The following SPIRE2 variants were observed in gnomAD, a reference collection of about 807,000 sequenced individuals.
The protein encoded by SPIRE2 is protein spire homolog 2.
In SPIRE2, 76 loss-of-function variants were observed where a neutral mutation model predicts 80.7. That is an observed-to-expected ratio of 0.94 (90% CI 0.78 to 1.14). SPIRE2 has a LOEUF of 1.14. Among genes scored for constraint, SPIRE2 ranks in the 50% most tolerant of loss-of-function variants. SPIRE2 has a pLI of 0.00. For synonymous variants in SPIRE2, 535 were observed against 432.6 expected (o/e 1.24, Z -2.94); for missense variants, 1,196 against 1,015.3 (o/e 1.18, Z -2.42).
chr16:89,855,433 A>G (rs1008791552), intron 5 of SPIRE2, among the ~76,000 whole-genome samples, 167 bp from the exon 6 acceptor site: 1 of 152,006 alleles, frequency 6.6e-6, no homozygotes, highest in East Asian at 1.9e-4. Context: ...TGGCCTGTGG[A>G]TCTGCCGTGC....
rs767964013 is a variant in SPIRE2, at chr16:89,845,319, C to T, written c.245-3C>T. 4.3e-6 allele frequency: 7 copies of T among 1,614,034 alleles called. No individual in the cohort carries two copies. Among genetic ancestry groups the T allele is most frequent in the African/African-American group, 1.3e-5 (1 of 74,926 alleles). Reference sequence around the variant, plus strand: ...AATAACTTAACTCCCTCTTCTCTTACAGAACCTGCAACCATGGTCGTGCCA... The same window carrying T: ...AATAACTTAACTCCCTCTTCTCTTATAGAACCTGCAACCATGGTCGTGCCA... On this transcript the variant is annotated splice_polypyrimidine_tract_variant and splice_region_variant and intron_variant, in intron 1 of 14. Transcript: ENST00000378247.
At chr16:89,852,064 C>T (rs1415470286) in intron 3 of SPIRE2, among the ~76,000 whole-genome samples, 1 of 140,556 alleles carries the variant, frequency 7.1e-6, no homozygotes, top group Non-Finnish European at 1.5e-5. Flanking sequence ...TCCCCCAACC[C>T]GCCAGATCCC....
chr16:89,845,188 G>T (rs2041546203), intron 1 of SPIRE2, 134 bp from the exon 2 acceptor site: 2 of 813,562 alleles, frequency 2.5e-6, no homozygotes, highest in East Asian at 5.0e-5. Flanking sequence ...GGCTGGGCCT[G>T]CTGTGAGCTT....
At chr16:89,847,719 G>A (rs918781224) in intron 2 of SPIRE2, among the ~76,000 whole-genome samples, 4 of 152,236 alleles carry the variant, frequency 2.6e-5, no homozygotes, top group Non-Finnish European at 5.9e-5. Flanking sequence ...GCCTGCACCT[G>A]CTGTGGGCGG....
At chr16:89,859,858 G>C in intron 9 of SPIRE2, among the ~76,000 whole-genome samples, 1 of 152,110 alleles carries the variant, frequency 6.6e-6, no homozygotes, top group Non-Finnish European at 1.5e-5. Context: ...TCGCGACTCA[G>C]GGTTCTTGTC....
At chr16:89,838,435 C>T (rs1407791421) in intron 1 of SPIRE2, among the ~76,000 whole-genome samples, 4 of 151,972 alleles carry the variant, frequency 2.6e-5, no homozygotes, top group South Asian at 2.1e-4. Context: ...CGGCCTGCCT[C>T]GGCCTCCCAA....
Position 89,863,591 on chromosome 16 carries a change from G to A in SPIRE2, c.1691G>A (p.Ser564Asn), listed in dbSNP as rs1348526998. 1 of 1,614,024 alleles carries A rather than the reference G, an allele frequency of 6.2e-7. No homozygotes were observed. The highest frequency in any genetic ancestry group is 1.3e-5 in the African/African-American group (1 of 74,946). Residue 564 changes from serine (S) to asparagine (N), a missense_variant, in exon 11 of 15, where the codon AGC (serine) becomes AAC (asparagine). Physicochemically the swap from Ser to Asn is conservative, Grantham distance 46. Coordinates refer to ENST00000378247, the MANE Select transcript of SPIRE2 (RefSeq NM_032451.2). This position sits in a 1 kb window ranked among gnomAD's most constrained non-coding sequence, Gnocchi z 4.3. ...TTTTTGCAGAACAAGGAGCTCTTCA[G>A]CAGTCTGAAGAAGGGGAAGGTGAGG... Reference protein sequence around the residue: ...EKFLQNKELFSSLKKGKICCC... With the variant: ...EKFLQNKELFNSLKKGKICCC...
chr16:89,852,065 G>T lies in SPIRE2; in HGVS notation c.645+1405G>T, dbSNP rs71374198. Among the ~76,000 whole-genome samples the T allele has an allele frequency of 3.2e-4, 9 of 28,492 alleles. 1 individual carries two copies. The highest frequency in any genetic ancestry group is 1.2e-3 in the African/African-American group (9 of 7,202). The allele number at this position is 28,492 out of a possible 152,430, so 18.7% of individuals were successfully genotyped here. Reference sequence around the variant, plus strand: ...CCCATCTTCCATCCTCCCCCAACCCGCCAGATCCCCTGGCCCATCTTCCAT... The same window carrying T: ...CCCATCTTCCATCCTCCCCCAACCCTCCAGATCCCCTGGCCCATCTTCCAT... On this transcript the variant is annotated intron_variant, in intron 3 of 14. Coordinates refer to ENST00000378247, the MANE Select transcript of SPIRE2 (RefSeq NM_032451.2).
intron 1 of SPIRE2, chr16:89,836,301 A>G (rs921552625): frequency 1.1e-5 from 5 of 455,444 alleles, no homozygotes; most frequent in Non-Finnish European, 2.2e-5. Flanking sequence ...CTCTCGGTAC[A>G]TGCTCACAGG....
chr16:89,837,261 G>T (rs1308830885), intron 1 of SPIRE2, among the ~76,000 whole-genome samples: 1 of 152,164 alleles, frequency 6.6e-6, no homozygotes, highest in Non-Finnish European at 1.5e-5. Flanking sequence ...TGCTGCAGGA[G>T]TGAGGCACCC....
intron 1 of SPIRE2, among the ~76,000 whole-genome samples, chr16:89,832,990 TTC>T (rs1491411398): frequency 9.8e-5 from 2 of 20,480 alleles, no homozygotes. Context: ...CCCAGCTGAT[TTC>T]TTTTTTTTTT....
At chr16:89,868,044 AAAAT>A in intron 12 of SPIRE2, 141 bp from the exon 13 acceptor site, 3 of 873,418 alleles carry the variant, frequency 3.4e-6, no homozygotes, top group East Asian at 2.4e-5. Flanking sequence ...ATTTTGGAGT[AAAAT>A]AAAGTACTGA....
chr16:89,860,565 C>T lies in SPIRE2; in HGVS notation c.1463-118C>T, dbSNP rs1029402481. 1.4e-5 allele frequency: 10 copies of T among 699,066 alleles called. 1 individual carries two copies. The Admixed American group carries it at 1.7e-4, about 12-fold the overall frequency. The allele number at this position is 699,066 out of a possible 1,614,324, so 43.3% of individuals were successfully genotyped here. A position where few individuals can be genotyped will look rare whatever the true frequency, so the allele number is the denominator to read the frequency against. On this transcript the variant is annotated intron_variant, in intron 9 of 14. Coordinates refer to ENST00000378247, the MANE Select transcript of SPIRE2 (RefSeq NM_032451.2). ...TAGCTACTGCCCGGCCGCTTCTCCC[C>T]TTGACCTTTTGCTTGGTTCCCCTGG...
chr16:89,829,068 G>C (rs779661421), intron 1 of SPIRE2, among the ~76,000 whole-genome samples: 4 of 152,208 alleles, frequency 2.6e-5, no homozygotes, highest in South Asian at 2.1e-4. Flanking sequence ...CGCGGAGCGG[G>C]CTGCTCCCCA....
intron 7 of SPIRE2, 95 bp from the exon 8 acceptor site, chr16:89,858,243 G>A (rs2041710215): frequency 7.7e-7 from 1 of 1,304,640 alleles, no homozygotes; most frequent in South Asian, 1.6e-5. Context: ...TGCAAAGTCA[G>A]GGAATTAAGC....
At chr16:89,843,638 G>T (rs1034089147) in intron 1 of SPIRE2, among the ~76,000 whole-genome samples, 3 of 132,190 alleles carry the variant, frequency 2.3e-5, no homozygotes, top group Non-Finnish European at 3.1e-5. Flanking sequence ...GATGTGCCTC[G>T]ATGGATGGAG....
At chr16:89,845,118 G>T (rs1423700989) in intron 1 of SPIRE2, among the ~76,000 whole-genome samples, 1 of 152,186 alleles carries the variant, frequency 6.6e-6, no homozygotes, top group African/African-American at 2.4e-5. Context: ...CTGTACCTGG[G>T]TGTCCTGCTT....
chr16:89,865,823 C>G (rs1379603748), intron 12 of SPIRE2, among the ~76,000 whole-genome samples: 1 of 151,858 alleles, frequency 6.6e-6, no homozygotes, highest in Non-Finnish European at 1.5e-5. Context: ...AAAAAATTAG[C>G]TGGGCGTGGT....
chr16:89,832,258 C>G (rs942102217), intron 1 of SPIRE2, among the ~76,000 whole-genome samples: 1 of 152,232 alleles, frequency 6.6e-6, no homozygotes, highest in South Asian at 2.1e-4. Context: ...GCCTCGAGCC[C>G]GCAGCCAGCC....
Sources: allele counts gnomAD v4.1 joint callset (sites outside exome capture counted in the v4.1 genomes callset), GRCh38; gene constraint gnomAD v4.1.1; non-coding constraint Gnocchi (gnomAD v3.1); transcripts MANE v1.5; gene names NCBI Gene and HGNC (gene_info 2026-07-23, HGNC 2026-07-21).